WWOX: variants seen among roughly 807,000 people sequenced by gnomAD.
WWOX encodes WW domain containing oxidoreductase, also known as WW domain-containing oxidoreductase.
A neutral mutation model predicts 46.2 loss-of-function variants in WWOX; 69 were observed. The observed-to-expected ratio is 1.49, with a 90% CI of 1.23 to 1.82. The LOEUF (loss-of-function observed/expected upper bound fraction) is 1.82. Ranked by LOEUF, WWOX falls within the 40% of genes most tolerant of loss-of-function variation. The pLI, the probability that WWOX is intolerant of heterozygous loss-of-function variation, is 0.00. For synonymous variants in WWOX, 359 were observed against 202.6 expected, an observed-to-expected ratio of 1.77 and a Z score of -6.56; for missense variants, 919 against 542.6, an observed-to-expected ratio of 1.69 and a Z score of -6.89.
intron 8 of WWOX, among the ~76,000 whole-genome samples, chr16:78,800,959 A>T (rs1043947990): frequency 1.3e-5 from 2 of 151,976 alleles, no homozygotes; most frequent in African/African-American, 4.8e-5. Flanking sequence ...AACAGAAAAA[A>T]AAAGTGAGCA....
intron 6 of WWOX, among the ~76,000 whole-genome samples, chr16:78,410,899 G>C (rs1301968107): frequency 6.6e-6 from 1 of 151,708 alleles, no homozygotes; most frequent in East Asian, 1.9e-4. Flanking sequence ...GCTGTTGGCA[G>C]AGGTCACTTC....
intron 8 of WWOX, among the ~76,000 whole-genome samples, chr16:78,664,242 C>T (rs944808404): frequency 5.3e-5 from 8 of 152,148 alleles, no homozygotes; most frequent in Non-Finnish European, 8.8e-5. Context: ...ATGTAATTGT[C>T]AGTTTTCGTG....
chr16:79,088,600 C>G (rs1327091541), intron 8 of WWOX, among the ~76,000 whole-genome samples: 1 of 152,164 alleles, frequency 6.6e-6, no homozygotes, highest in East Asian at 1.9e-4. Flanking sequence ...AAGAGGTTTT[C>G]TAGACTCACT....
intron 8 of WWOX, among the ~76,000 whole-genome samples, chr16:78,602,439 GGCCAGGCT>G (rs2045643566): frequency 1.3e-5 from 2 of 152,074 alleles, no homozygotes; most frequent in Non-Finnish European, 2.9e-5. Context: ...TCACTATATT[GGCCAGGCT>G]GATCTCGAAC....
intron 8 of WWOX, among the ~76,000 whole-genome samples, chr16:79,207,224 C>A (rs970889959): frequency 6.6e-6 from 1 of 152,230 alleles, no homozygotes; most frequent in Non-Finnish European, 1.5e-5. Flanking sequence ...GGTGTATTCA[C>A]AGAGTCAATG....
intron 5 of WWOX, among the ~76,000 whole-genome samples, chr16:78,284,973 A>C (rs148672649): frequency 1.3e-5 from 2 of 152,222 alleles, no homozygotes; most frequent in Non-Finnish European, 2.9e-5. Context: ...TATTTAGGGA[A>C]AATGGAACTG....
intron 8 of WWOX, among the ~76,000 whole-genome samples, chr16:79,038,033 C>G (rs1210362951): frequency 1.2e-4 from 19 of 152,158 alleles, no homozygotes; most frequent in Non-Finnish European, 1.5e-5. Context: ...GCCAGTTCCC[C>G]TGTACAGATT....
At chr16:78,676,412 T>C (rs897005878) in intron 8 of WWOX, among the ~76,000 whole-genome samples, 30 of 151,898 alleles carry the variant, frequency 2.0e-4, no homozygotes, top group African/African-American at 7.2e-4. Context: ...TATTTTTTTT[T>C]TTTTTTTTAA....
chr16:78,500,076 C>G (rs572139693), intron 8 of WWOX, among the ~76,000 whole-genome samples: 3 of 152,286 alleles, frequency 2.0e-5, no homozygotes, highest in African/African-American at 7.2e-5. Flanking sequence ...GCAAAGCAGA[C>G]TAGCATGGTT....
intron 8 of WWOX, among the ~76,000 whole-genome samples, chr16:78,572,478 C>T (rs1305922684): frequency 6.6e-6 from 1 of 151,606 alleles, no homozygotes; most frequent in African/African-American, 2.4e-5. Context: ...TCTGTGGTCT[C>T]AGGGGTCTCA....
intron 8 of WWOX, among the ~76,000 whole-genome samples, chr16:78,873,672 C>G (rs1357108921): frequency 6.6e-6 from 1 of 152,098 alleles, no homozygotes. Context: ...TGCCTGTCAT[C>G]CCAGCTACTT....
chr16:78,567,817 C>T (rs908094413), intron 8 of WWOX, among the ~76,000 whole-genome samples: 2 of 152,074 alleles, frequency 1.3e-5, no homozygotes, highest in Non-Finnish European at 2.9e-5. Flanking sequence ...CCGGGGTGGT[C>T]TCGAGGAGGC....
At chr16:78,613,503 G>A (rs923342734) in intron 8 of WWOX, among the ~76,000 whole-genome samples, 2 of 152,020 alleles carry the variant, frequency 1.3e-5, no homozygotes, top group Non-Finnish European at 2.9e-5. Context: ...CCCTTACAAG[G>A]GACATTTATG....
chr16:78,457,633 G>GC lies in WWOX; in HGVS notation c.1056+24883dup, dbSNP rs535373156. ...ACGCACATGAAAATAACATGAACTGGCCATGTACGGTGGCTCATGCCTGTA... is the reference window on the plus strand; with the variant it reads ...ACGCACATGAAAATAACATGAACTGGCCCATGTACGGTGGCTCATGCCTGTA... On this transcript the variant is annotated intron_variant, in intron 8 of 8. Transcript: ENST00000566780. Among the ~76,000 whole-genome samples the GC allele has an allele frequency of 2.6e-5, 4 of 152,162 alleles. No homozygotes were observed. In the East Asian group the frequency reaches 7.7e-4, roughly 29 times the overall value.
chr16:78,533,225 G>C (rs1329433999), intron 8 of WWOX, among the ~76,000 whole-genome samples: 3 of 152,108 alleles, frequency 2.0e-5, no homozygotes, highest in Non-Finnish European at 4.4e-5. Context: ...GGGGACAGGA[G>C]GTGACTAGAT....
intron 8 of WWOX, among the ~76,000 whole-genome samples, chr16:78,854,923 T>TTA (rs2052532486): frequency 7.1e-6 from 1 of 140,596 alleles, no homozygotes; most frequent in Admixed American, 7.2e-5. Flanking sequence ...TTTTTTTTTT[T>TTA]AACAAAACTT....
chr16:78,717,863 T>A (rs2142342980), intron 8 of WWOX, among the ~76,000 whole-genome samples: 2 of 152,244 alleles, frequency 1.3e-5, no homozygotes, highest in South Asian at 4.2e-4. Flanking sequence ...ACCTGTTTGG[T>A]GATGAGGAAG....
intron 8 of WWOX, among the ~76,000 whole-genome samples, chr16:79,177,290 T>C (rs185666670): frequency 5.3e-4 from 80 of 152,334 alleles, no homozygotes; most frequent in African/African-American, 1.9e-3. Flanking sequence ...CATTTATTCC[T>C]CGCCTGGCCT....
At chr16:78,601,441 G>GAAA (rs58096899) in intron 8 of WWOX, among the ~76,000 whole-genome samples, 13 of 144,038 alleles carry the variant, frequency 9.0e-5, no homozygotes, top group African/African-American at 1.3e-4. Context: ...CCAGCAGAGA[G>GAAA]AAAAAAAAAA....
Sources: allele counts gnomAD v4.1 joint callset (sites outside exome capture counted in the v4.1 genomes callset), GRCh38; gene constraint gnomAD v4.1.1; transcripts MANE v1.5; gene names NCBI Gene and HGNC (gene_info 2026-07-23, HGNC 2026-07-21).